Variants in PARD3B observed in about 807,000 individuals in gnomAD.
PARD3B encodes partitioning defective 3 homolog B.
Under a neutral mutation model 130.2 loss-of-function variants are expected in PARD3B, and 103 were observed. The ratio of observed to expected loss-of-function variants is 0.79; its 90% CI spans 0.67 to 0.93. PARD3B has a LOEUF of 0.93. Among genes scored for constraint, PARD3B ranks in the 40% least tolerant of loss-of-function variants. The pLI is 0.00. For missense variants in PARD3B, 1,609 were observed against 1,499.2 expected (o/e 1.07, Z -1.21); for synonymous variants, 583 against 553.2 (o/e 1.05, Z -0.76).
At chr2:205,000,973 G>A (rs1294131158) in intron 3 of PARD3B, among the ~76,000 whole-genome samples, 2 of 151,888 alleles carry the variant, frequency 1.3e-5, no homozygotes, top group South Asian at 2.1e-4. Flanking sequence ...TTGCTTTTAC[G>A]AGGTGTTTTT....
At chr2:204,681,896 A>G (rs2036852417) in intron 1 of PARD3B, among the ~76,000 whole-genome samples, 1 of 151,808 alleles carries the variant, frequency 6.6e-6, no homozygotes, top group Admixed American at 6.6e-5. Context: ...GGTGCTTCAA[A>G]CTCCCTCTCT....
intron 22 of PARD3B, among the ~76,000 whole-genome samples, chr2:205,571,466 C>T (rs372427658): frequency 6.6e-6 from 1 of 152,146 alleles, no homozygotes; most frequent in Non-Finnish European, 1.5e-5. Context: ...CGTCAGGCCA[C>T]GGAGTGCAGC....
intron 15 of PARD3B, among the ~76,000 whole-genome samples, chr2:205,201,184 G>T (rs1382445160): frequency 6.6e-6 from 1 of 152,142 alleles, no homozygotes; most frequent in Non-Finnish European, 1.5e-5. Context: ...GAGATGATTT[G>T]AGTCATAGGA....
At position 205,345,765 on chromosome 2, in the gene PARD3B, C is replaced by T. The variant is rs537227671; in HGVS notation, c.2630+44064C>T. 1.9e-4 allele frequency among the ~76,000 whole-genome samples: 26 copies of T among 140,420 alleles called. 2 individuals are homozygous for T. Among genetic ancestry groups the T allele is most frequent in the African/African-American group, 6.2e-4 (25 of 40,240 alleles). 92.1% of individuals were successfully genotyped at this position (140,420 alleles called of 152,430 possible). A position where few individuals can be genotyped will look rare whatever the true frequency, so the allele number is the denominator to read the frequency against. ...AGTATATTCTCTTCAGAAAATTATTCTCTGGAGAAACTGAATAGTTACAAG... is the reference window on the plus strand; with the variant it reads ...AGTATATTCTCTTCAGAAAATTATTTTCTGGAGAAACTGAATAGTTACAAG... On this transcript the variant is annotated intron_variant, in intron 18 of 22. Coordinates refer to ENST00000406610, the MANE Select transcript of PARD3B (RefSeq NM_001302769.2).
intron 2 of PARD3B, among the ~76,000 whole-genome samples, chr2:204,774,274 A>G (rs1474408206): frequency 1.3e-5 from 2 of 152,082 alleles, no homozygotes; most frequent in East Asian, 3.9e-4. Context: ...TCTTCCTTCC[A>G]TGAGAATCCA....
At chr2:204,713,699 A>T (rs2038575911) in intron 2 of PARD3B, among the ~76,000 whole-genome samples, 1 of 152,106 alleles carries the variant, frequency 6.6e-6, no homozygotes, top group Non-Finnish European at 1.5e-5. Context: ...TTAGTATGTC[A>T]AGGTTTATCC....
Position 205,413,814 on chromosome 2 carries a change from C to T in PARD3B, c.2741+12691C>T, listed in dbSNP as rs184669295. ...ATGAAAATGCTGTGGGCCCAGAGAG[C>T]TGTTGTTTGTTGTTGTTTTCAAATT... On this transcript the variant is annotated intron_variant, in intron 19 of 22. Coordinates refer to ENST00000406610, the MANE Select transcript of PARD3B (RefSeq NM_001302769.2). 3.4e-3 allele frequency among the ~76,000 whole-genome samples: 520 copies of T among 152,216 alleles called. 6 individuals carry two copies. The highest frequency in any genetic ancestry group is 0.012 in the African/African-American group (489 of 41,548).
At chr2:205,523,922 C>A (rs955906277) in intron 21 of PARD3B, among the ~76,000 whole-genome samples, 1 of 145,858 alleles carries the variant, frequency 6.9e-6, no homozygotes, top group African/African-American at 2.5e-5. Flanking sequence ...AATCTAAATA[C>A]TTCTTATAAG....
intron 19 of PARD3B, among the ~76,000 whole-genome samples, chr2:205,417,046 A>G (rs887445425): frequency 6.6e-5 from 10 of 150,726 alleles, no homozygotes; most frequent in Non-Finnish European, 1.2e-4. Context: ...CGTCATTTAC[A>G]TTAGGTGTAT....
chr2:204,801,032 G>C (rs916451856), intron 2 of PARD3B, among the ~76,000 whole-genome samples: 1 of 151,842 alleles, frequency 6.6e-6, no homozygotes, highest in African/African-American at 2.4e-5. Context: ...AGATGTGTGG[G>C]GTCACTTCTG....
In PARD3B at chr2:205,607,831, T is replaced by TACACCCATACACACACACAC. The variant is rs1553560828; in HGVS notation, c.3261-7621_3261-7620insCCATACACACACACACACAC. Reference sequence around the variant, plus strand: ...TGGAGGCCCTCTCCCCCAACACCCATACACACACACACACACACACACACA... The same window carrying TACACCCATACACACACACAC: ...TGGAGGCCCTCTCCCCCAACACCCATACACCCATACACACACACACACACACACACACACACACACACACA... On this transcript the variant is annotated intron_variant, in intron 22 of 22. Coordinates refer to ENST00000406610, the MANE Select transcript of PARD3B (RefSeq NM_001302769.2). Among the ~76,000 whole-genome samples the TACACCCATACACACACACAC allele has an allele frequency of 1.3e-3, 154 of 116,218 alleles. 1 individual carries two copies. Among genetic ancestry groups the TACACCCATACACACACACAC allele is most frequent in the African/African-American group, 5.9e-3 (146 of 24,558 alleles). 76.2% of individuals were successfully genotyped at this position (116,218 alleles called of 152,430 possible).
At chr2:205,398,185 C>T (rs1376500713) in intron 18 of PARD3B, among the ~76,000 whole-genome samples, 1 of 152,068 alleles carries the variant, frequency 6.6e-6, no homozygotes, top group Non-Finnish European at 1.5e-5. Flanking sequence ...CCTGTAATCT[C>T]AGCTACTTGG....
chr2:205,579,266 G>C (rs2053875770), intron 22 of PARD3B, among the ~76,000 whole-genome samples: 2 of 152,146 alleles, frequency 1.3e-5, no homozygotes. Context: ...AGAAAACCCT[G>C]AGTGGCCCAT....
intron 1 of PARD3B, among the ~76,000 whole-genome samples, chr2:204,573,111 C>T (rs2032085254): frequency 6.6e-6 from 1 of 152,206 alleles, no homozygotes; most frequent in South Asian, 2.1e-4. Flanking sequence ...AATCCATCTG[C>T]TCTTCTCTTG....
At chr2:204,549,911 C>T (rs979222613) in intron 1 of PARD3B, among the ~76,000 whole-genome samples, 3 of 126,354 alleles carry the variant, frequency 2.4e-5, no homozygotes, top group South Asian at 2.9e-4. Context: ...TTTGACATTT[C>T]TGGCCTTTTC....
intron 10 of PARD3B, among the ~76,000 whole-genome samples, chr2:205,157,971 T>C (rs2034282269): frequency 6.6e-6 from 1 of 152,198 alleles, no homozygotes; most frequent in South Asian, 2.1e-4. Flanking sequence ...ACTCTGTGTT[T>C]CTTGAGACCA....
chr2:205,607,902 T>G (rs2055073168), intron 22 of PARD3B, among the ~76,000 whole-genome samples: 2 of 148,120 alleles, frequency 1.4e-5, no homozygotes, highest in Non-Finnish European at 3.0e-5. Context: ...ATGGAAGTGT[T>G]TAAGTCTCCT....
intron 18 of PARD3B, among the ~76,000 whole-genome samples, chr2:205,388,968 G>T (rs1034934735): frequency 6.6e-6 from 1 of 152,158 alleles, no homozygotes; most frequent in Non-Finnish European, 1.5e-5. Flanking sequence ...TAAACTCAAA[G>T]GAGAAGCTAA....
At chr2:204,840,393 A>G (rs756275264) in intron 2 of PARD3B, among the ~76,000 whole-genome samples, 5 of 152,186 alleles carry the variant, frequency 3.3e-5, no homozygotes, top group African/African-American at 7.2e-5. Flanking sequence ...ATATCTCTAC[A>G]CTTCCAATAT....
Sources: gnomAD v4.1 joint callset for allele counts (sites outside exome capture counted in the v4.1 genomes callset) on GRCh38, gnomAD v4.1.1 for gene constraint, MANE v1.5 for transcripts, NCBI Gene and HGNC (gene_info 2026-07-23, HGNC 2026-07-21) for gene names.